TTC16: variants seen among roughly 807,000 people sequenced by gnomAD.
TTC16 encodes tetratricopeptide repeat protein 16.
TTC16 carries 66 observed loss-of-function variants against 80.4 expected under a neutral mutation model. That is an observed-to-expected ratio of 0.82 (90% CI 0.67 to 1.01). The LOEUF is 1.01. TTC16 is among the 50% of genes least tolerant of loss of function. TTC16 has a pLI of 0.00. For synonymous variants in TTC16, 438 were observed against 451.3 expected (o/e 0.97, Z 0.37); for missense variants, 1,070 against 1,103.2 (o/e 0.97, Z 0.43).
rs754963880 is a variant in TTC16 at position 127,724,875 on chromosome 9, G to A, written c.1237G>A (p.Gly413Ser). ...CATGGGCCTGCTGCAGGAGAAGATG[G>A]GCTTCTGCGAGCAGAGGCGCAAGTG... ...TRMGLLQEKM[G>S]FCEQRRKQFQ... The change falls in exon 9 of 14, where the codon GGC becomes AGC. Residue 413 changes from glycine to serine, a missense_variant. Coordinates refer to ENST00000373289, the MANE Select transcript of TTC16 (RefSeq NM_144965.3). The A allele has an allele frequency of 3.8e-6, 6 of 1,565,812 alleles. No homozygotes were observed. In the East Asian group the frequency reaches 1.4e-4, roughly 36 times the overall value.
rs770275660 is a variant in TTC16, at chr9:127,723,222, C to T, written c.761C>T (p.Ala254Val). 1.5e-4 allele frequency: 237 copies of T among 1,612,858 alleles called. No homozygotes were observed. Among genetic ancestry groups the T allele is most frequent in the Admixed American group, 1.2e-4 (7 of 60,026 alleles). ...LQKMVAQAQQ[A>V]RQDAGILAVQ... is the part of the protein sequence containing the mutation. ...AAGATGGTGGCCCAGGCCCAGCAGG[C>T]GCGCCAAGATGCGGGGATCCTGGCT... Residue 254 changes from alanine to valine, a missense_variant, in exon 7 of 14, where the codon GCG (alanine) becomes GTG (valine). Physicochemically the swap from Ala to Val is moderately conservative, Grantham distance 64. Coordinates refer to ENST00000373289, the MANE Select transcript of TTC16 (RefSeq NM_144965.3).
Position 127,731,558 on chromosome 9 carries a change from T to A in TTC16, c.*153T>A. On this transcript the variant is annotated 3_prime_UTR_variant, in exon 14 of 14. Transcript: ENST00000373289. ...ACAGCTGAGTTTATTATACTTGTTT[T>A]CTTTTACAAAATTAAAAACATCTAA... The A allele has an allele frequency of 7.1e-7, 1 of 1,417,386 alleles. No individual in the cohort carries two copies. The highest frequency in any genetic ancestry group is 9.2e-7 in the Non-Finnish European group (1 of 1,084,930). 87.8% of individuals were successfully genotyped at this position (1,417,386 alleles called of 1,614,324 possible).
At position 127,727,183 on chromosome 9, in the gene TTC16, G is replaced by C. The variant is rs1023170494; in HGVS notation, c.1568+71G>C. The C allele has an allele frequency of 5.9e-6, 9 of 1,517,936 alleles. No homozygotes were observed. The East Asian group carries it at 2.1e-4, about 35-fold the overall frequency. The allele number at this position is 1,517,936 out of a possible 1,614,324, so 94.0% of individuals were successfully genotyped here. A position where few individuals can be genotyped will look rare whatever the true frequency, so the allele number is the denominator to read the frequency against. On this transcript the variant is annotated intron_variant, in intron 11 of 13. Transcript: ENST00000373289. ...GCAGCTCCAGGCTCCTCTGGCTCCAGCTGCATGACGGGGCCGTTGTCTAGT... is the reference window on the plus strand; with the variant it reads ...GCAGCTCCAGGCTCCTCTGGCTCCACCTGCATGACGGGGCCGTTGTCTAGT...
At chr9:127,726,472 C>T (rs1330798344) in intron 10 of TTC16, 68 bp downstream of exon 10, 3 of 1,436,270 alleles carry the variant, frequency 2.1e-6, no homozygotes, top group Admixed American at 2.5e-5. Context: ...TACTCCTCGG[C>T]CCCCAAAGAA....
Position 127,718,015 on chromosome 9 carries a change from G to A in TTC16, c.426+243G>A, listed in dbSNP as rs1843187689. ...CCAATATGCTAGCCACCAGCCACGTGGAACTGTTGAGCCCTTGAAATGTGG... is the reference window on the plus strand; with the variant it reads ...CCAATATGCTAGCCACCAGCCACGTAGAACTGTTGAGCCCTTGAAATGTGG... On this transcript the variant is annotated intron_variant, in intron 4 of 13. Coordinates refer to ENST00000373289, the MANE Select transcript of TTC16 (RefSeq NM_144965.3). This position sits in a 1 kb window ranked among gnomAD's most constrained non-coding sequence, Gnocchi z 4.6. Among the ~76,000 whole-genome samples the A allele has an allele frequency of 6.6e-6, 1 of 152,208 alleles. No homozygotes were observed. The highest frequency in any genetic ancestry group is 2.4e-5 in the African/African-American group (1 of 41,448).
At position 127,723,137 on chromosome 9, in the gene TTC16, GAC is replaced by G. The variant is rs755260274; in HGVS notation, c.677_678del (p.Asp226AlafsTer268). 1 of 1,611,952 alleles carries G rather than the reference GAC, an allele frequency of 6.2e-7. No homozygotes were observed. The highest frequency in any genetic ancestry group is 1.7e-5 in the Admixed American group (1 of 60,016). ...FLQKPHLCYR[D>X]LHSALLLNPK... is the part of the protein sequence containing the mutation. ...CCTGCAGCCCCACCTCTGCTACCGG[GAC>G]CTGCACAGCGCCTTGCTGTTGAATC... is the stretch of plus-strand genomic sequence containing the variant. On this transcript the variant is annotated frameshift_variant, in exon 7 of 14. Coordinates refer to ENST00000373289, the MANE Select transcript of TTC16 (RefSeq NM_144965.3). LOFTEE classifies it high-confidence loss of function.
chr9:127,728,809 A>G (rs1239560769), intron 12 of TTC16: 2 of 152,238 alleles, frequency 1.3e-5, no homozygotes, highest in Non-Finnish European at 2.9e-5. Flanking sequence ...AGAAGAAAAG[A>G]AAAAAGGAAA....
chr9:127,724,083 A>G (rs992847351), intron 7 of TTC16, 37 bp from the exon 8 acceptor site: 28 of 1,527,152 alleles, frequency 1.8e-5, no homozygotes, highest in Non-Finnish European at 2.5e-5. Context: ...ACTGGCGCTC[A>G]TGTCCCTCCT....
intron 2 of TTC16, 47 bp downstream of exon 2, chr9:127,717,063 G>GGTC: frequency 6.2e-7 from 1 of 1,601,380 alleles, no homozygotes; most frequent in Non-Finnish European, 8.5e-7. Context: ...GCCCGACACA[G>GGTC]CCATTCACAT....
Position 127,726,404 on chromosome 9 carries a change from G to C in TTC16, c.1425G>C (p.Lys475Asn). 1 of 1,591,634 alleles carries C rather than the reference G, an allele frequency of 6.3e-7. No homozygotes were observed. The highest frequency in any genetic ancestry group is 1.1e-5 in the South Asian group (1 of 89,560). The change falls in exon 10 of 14, where the codon AAG becomes AAC. Residue 475 changes from lysine to asparagine, a missense_variant and splice_region_variant. By Grantham distance (94) the Lys-to-Asn change is moderately conservative (BLOSUM62 0). Transcript: ENST00000373289. Reference sequence around the variant, plus strand: ...TGCTCCTCAACCCCAAGCAACCAAAGGTAGGTTCCTGCCACGTCAGGAGTG... The same window carrying C: ...TGCTCCTCAACCCCAAGCAACCAAACGTAGGTTCCTGCCACGTCAGGAGTG... Reference protein sequence around the residue: ...TVLLLNPKQPKLSLLMTNLFP... With the variant: ...TVLLLNPKQPNLSLLMTNLFP...
intron 6 of TTC16, among the ~76,000 whole-genome samples, chr9:127,721,413 G>C (rs79266395): frequency 0.015 from 2,217 of 151,356 alleles, 67 homozygotes; most frequent in African/African-American, 0.051. Flanking sequence ...TGGGCTTGAA[G>C]GAAAAGGAAG....
chr9:127,716,998 C>T lies in TTC16; in HGVS notation c.173C>T (p.Pro58Leu), dbSNP rs1291550871. Residue 58 changes from proline to leucine, a missense_variant, in exon 2 of 14, where the codon CCC becomes CTC. Physicochemically the swap from Pro to Leu is moderately conservative, Grantham distance 98 (BLOSUM62 -3). Coordinates refer to ENST00000373289, the MANE Select transcript of TTC16 (RefSeq NM_144965.3). ...CCAAAGGTCACAGGGTTAACAGTGC[C>T]CCTCAAAGTCAGGGAATAGTGAGTG... ...VKPKVTGLTV[P>L]LKVREYYSRG... The T allele has an allele frequency of 1.2e-6, 2 of 1,613,204 alleles. No individual in the cohort carries two copies. The highest frequency in any genetic ancestry group is 3.3e-5 in the Admixed American group (2 of 59,972).
intron 1 of TTC16, 22 bp from the exon 2 acceptor site, chr9:127,716,822 G>A (rs1208961974): frequency 6.3e-7 from 1 of 1,595,076 alleles, no homozygotes; most frequent in Non-Finnish European, 8.6e-7. Context: ...GCCTGCTCCA[G>A]CTTGCTGTCC....
Position 127,720,403 on chromosome 9 carries a change from G to A in TTC16, c.657+8G>A, listed in dbSNP as rs375383308. Reference sequence around the variant, plus strand: ...TACAACTTTCTCCAGAAGGTACAGTGGGGAGGGCGGGCAGGGGCATGCCCC... The same window carrying A: ...TACAACTTTCTCCAGAAGGTACAGTAGGGAGGGCGGGCAGGGGCATGCCCC... On this transcript the variant is annotated splice_region_variant and intron_variant, in intron 6 of 13. Coordinates refer to ENST00000373289, the MANE Select transcript of TTC16 (RefSeq NM_144965.3). 5.0e-6 allele frequency: 8 copies of A among 1,611,922 alleles called. No individual in the cohort carries two copies. In the African/African-American group the frequency reaches 1.1e-4, roughly 22 times the overall value.
At chr9:127,726,787 CAAAAAAAAAAAAAAAAA>C (rs55676226) in intron 10 of TTC16, among the ~76,000 whole-genome samples, 166 bp from the exon 11 acceptor site, 4 of 127,850 alleles carry the variant, frequency 3.1e-5, no homozygotes, top group Non-Finnish European at 7.0e-5. Context: ...GACTCTGTCT[CAAAAAAAAAAAAAAAAA>C]AAAAAAAAAA....
At chr9:127,721,548 C>T (rs1248093373) in intron 6 of TTC16, among the ~76,000 whole-genome samples, 3 of 152,070 alleles carry the variant, frequency 2.0e-5, no homozygotes, top group Non-Finnish European at 2.9e-5. Context: ...ATCCTGGGTG[C>T]GGCCGAAATG....
intron 2 of TTC16, 133 bp downstream of exon 2, chr9:127,717,149 G>A: frequency 9.1e-6 from 12 of 1,319,464 alleles, no homozygotes; most frequent in Non-Finnish European, 1.3e-5. Flanking sequence ...TTCCACCTCA[G>A]TGGGAACGAG....
chr9:127,725,653 G>A (rs1216849583), intron 9 of TTC16, among the ~76,000 whole-genome samples: 8 of 149,514 alleles, frequency 5.4e-5, no homozygotes, highest in Non-Finnish European at 8.9e-5. Context: ...AGACTGGAGT[G>A]TAATGGCGCC....
At chr9:127,719,022 C>T (rs905439733) in intron 4 of TTC16, among the ~76,000 whole-genome samples, 1 of 151,538 alleles carries the variant, frequency 6.6e-6, no homozygotes, top group Admixed American at 6.6e-5. Flanking sequence ...ACCAGCCTGG[C>T]CAACATGGTG....
Sources: gnomAD v4.1 joint callset for allele counts (sites outside exome capture counted in the v4.1 genomes callset) on GRCh38, gnomAD v4.1.1 for gene constraint, Gnocchi (gnomAD v3.1) non-coding constraint, MANE v1.5 for transcripts, NCBI Gene and HGNC (gene_info 2026-07-23, HGNC 2026-07-21) for gene names.